The following SYCE1L variants were observed in gnomAD, a reference collection of about 807,000 sequenced individuals.
SYCE1L encodes synaptonemal complex central element protein 1 like, also known as synaptonemal complex central element protein 1-like.
Under a neutral mutation model 39.6 loss-of-function variants are expected in SYCE1L, and 51 were observed. That is an observed-to-expected ratio of 1.29 (90% CI 1.03 to 1.63). SYCE1L has a LOEUF of 1.63. SYCE1L is among the 40% of genes most tolerant of loss of function. The pLI is 0.00. For missense variants in SYCE1L, 426 were observed against 304.9 expected, an observed-to-expected ratio of 1.40 and a Z score of -2.96; for synonymous variants, 147 against 122.4, an observed-to-expected ratio of 1.20 and a Z score of -1.33.
chr16:77,211,264 C>G lies in SYCE1L; in HGVS notation c.411C>G (p.Leu137=). 1 of 1,551,948 alleles carries G rather than the reference C, an allele frequency of 6.4e-7. No homozygotes were observed. Among genetic ancestry groups the G allele is most frequent in the Non-Finnish European group, 8.7e-7 (1 of 1,147,044 alleles). Residue 137 remains leucine, a synonymous_variant, in exon 7 of 11, where the codon CTC becomes CTG. Coordinates refer to ENST00000378644, the MANE Select transcript of SYCE1L (RefSeq NM_001129979.3). ...ATCTGATGGGCCAGCACAAGGACCT[C>G]TGGGAATTCCACGTGAGCCATTATC... ...LEDLMGQHKD[L]WEFHMLEQRL...
At chr16:77,206,824 T>C (rs1053151970) in intron 2 of SYCE1L, among the ~76,000 whole-genome samples, 2 of 116,676 alleles carry the variant, frequency 1.7e-5, no homozygotes, top group African/African-American at 5.3e-5. Context: ...AATGCATTCA[T>C]GGATGTATAT....
chr16:77,204,776 G>A (rs1264706419), intron 1 of SYCE1L, among the ~76,000 whole-genome samples: 1 of 152,120 alleles, frequency 6.6e-6, no homozygotes, highest in African/African-American at 2.4e-5. Context: ...CGGCTGCGGT[G>A]GCTCACACCT....
chr16:77,199,732 A>G (rs2054710143), intron 1 of SYCE1L: 1 of 494,562 alleles, frequency 2.0e-6, no homozygotes, highest in Non-Finnish European at 3.6e-6. Context: ...TGTCAACTGT[A>G]GTGTATACGT....
chr16:77,212,952 C>T lies in SYCE1L; in HGVS notation c.*21C>T, dbSNP rs1338583105. On this transcript the variant is annotated 3_prime_UTR_variant, in exon 11 of 11. Coordinates refer to ENST00000378644, the MANE Select transcript of SYCE1L (RefSeq NM_001129979.3). ...TCTAGGCCAGCAGGACCCGCCCGTT[C>T]CCGACCTTCCCTCGAGACCCGCCAA... is the stretch of plus-strand genomic sequence containing the variant. The T allele has an allele frequency of 6.8e-7, 1 of 1,475,342 alleles. No homozygotes were observed. Among genetic ancestry groups the T allele is most frequent in the South Asian group, 1.3e-5 (1 of 77,152 alleles). 91.4% of individuals were successfully genotyped at this position (1,475,342 alleles called of 1,614,324 possible).
chr16:77,203,938 G>T (rs189075759), intron 1 of SYCE1L, among the ~76,000 whole-genome samples: 1 of 151,856 alleles, frequency 6.6e-6, no homozygotes. Context: ...ACAACATCTC[G>T]CCCACCATTA....
chr16:77,200,731 G>A (rs1240394230), intron 1 of SYCE1L: 35 of 136,966 alleles, frequency 2.6e-4, no homozygotes, highest in African/African-American at 7.5e-4. Flanking sequence ...ACTCCAGCGC[G>A]GAAGACAGAG....
Position 77,200,291 on chromosome 16 carries a change from T to TATATATGTATATATATACACAC in SYCE1L, c.61+780_61+781insTATATGTATATATATACACACA. The TATATATGTATATATATACACAC allele has an allele frequency of 2.7e-5, 3 of 111,430 alleles. 1 individual carries two copies. The highest frequency in any genetic ancestry group is 1.0e-4 in the African/African-American group (3 of 29,728). The allele number at this position is 111,430 out of a possible 1,614,324, so 6.9% of individuals were successfully genotyped here. ...ATATATGTGTATATATATATATATA[T>TATATATGTATATATATACACAC]ACACACACTAATCAGCCGGGCGCGG... On this transcript the variant is annotated intron_variant, in intron 1 of 10. Transcript: ENST00000378644.
At position 77,212,116 on chromosome 16, in the gene SYCE1L, CTT is replaced by C. The variant is rs2054826846; in HGVS notation, c.424-12_424-11del. ...GGACGGCCAAACGGGGAGGCCTCCT[CTT>C]TGTCCTCGCAGATGCTGGAGCAGCG... is the stretch of plus-strand genomic sequence containing the variant. On this transcript the variant is annotated splice_polypyrimidine_tract_variant and intron_variant, in intron 7 of 10. Coordinates refer to ENST00000378644, the MANE Select transcript of SYCE1L (RefSeq NM_001129979.3). 1.9e-6 allele frequency: 3 copies of C among 1,547,000 alleles called. No individual in the cohort carries two copies. The highest frequency in any genetic ancestry group is 1.2e-5 in the South Asian group (1 of 83,748).
chr16:77,208,725 G>A lies in SYCE1L; in HGVS notation c.256+186G>A, dbSNP rs77363173. Among the ~76,000 whole-genome samples the A allele has an allele frequency of 5.9e-3, 892 of 152,256 alleles. 5 individuals are homozygous for A. The highest frequency in any genetic ancestry group is 0.021 in the African/African-American group (855 of 41,552). ...TTCACCCTGATAGGCCTATCTTGATGGTCTCATCTAAGAATAGAATCCCGC... is the reference window on the plus strand; with the variant it reads ...TTCACCCTGATAGGCCTATCTTGATAGTCTCATCTAAGAATAGAATCCCGC... On this transcript the variant is annotated intron_variant, in intron 4 of 10. Coordinates refer to ENST00000378644, the MANE Select transcript of SYCE1L (RefSeq NM_001129979.3).
At position 77,211,215 on chromosome 16, in the gene SYCE1L, T is replaced by C. The variant is rs932271203; in HGVS notation, c.362T>C (p.Leu121Ser). The change falls in exon 7 of 11, where the codon TTG becomes TCG. Residue 121 changes from leucine to serine, a missense_variant and splice_region_variant. Transcript: ENST00000378644. ...TATTCCTGGGTGTCGGCCTCCAGGT[T>C]GGATGTCAGAGGACAGCTGGAGGAT... ...CQEKESEAQR[L>S]DVRGQLEDLM... 7 of 1,551,794 alleles carry C rather than the reference T, an allele frequency of 4.5e-6. No individual in the cohort carries two copies. Among genetic ancestry groups the C allele is most frequent in the Non-Finnish European group, 6.1e-6 (7 of 1,147,050 alleles).
At chr16:77,209,059 G>T (rs1331925951) in intron 4 of SYCE1L, 38 bp from the exon 5 acceptor site, 16 of 1,550,312 alleles carry the variant, frequency 1.0e-5, no homozygotes, top group Non-Finnish European at 1.4e-5. Flanking sequence ...GATGGCAATG[G>T]GGTGCCTGGA....
chr16:77,209,649 A>G (rs549737443), intron 6 of SYCE1L, among the ~76,000 whole-genome samples, 178 bp downstream of exon 6: 16 of 152,368 alleles, frequency 1.1e-4, no homozygotes, highest in South Asian at 2.1e-4. Flanking sequence ...TGTTAAGATT[A>G]ATTTACTCAT....
At chr16:77,203,782 T>C (rs2054764307) in intron 1 of SYCE1L, among the ~76,000 whole-genome samples, 1 of 151,626 alleles carries the variant, frequency 6.6e-6, no homozygotes, top group Non-Finnish European at 1.5e-5. Flanking sequence ...TTTAGTAGAG[T>C]TGGGGTTTTG....
intron 1 of SYCE1L, among the ~76,000 whole-genome samples, chr16:77,203,592 CTTTT>C (rs57339044): frequency 8.3e-6 from 1 of 120,610 alleles, no homozygotes; most frequent in African/African-American, 3.0e-5. Flanking sequence ...AAGTTACTTC[CTTTT>C]TTTTTTTTTT....
At chr16:77,212,552 C>CTCGCTCTCT in intron 9 of SYCE1L, 22 bp from the exon 10 acceptor site, 4 of 1,537,066 alleles carry the variant, frequency 2.6e-6, no homozygotes, top group Non-Finnish European at 3.5e-6. Flanking sequence ...TTCCTCCTGT[C>CTCGCTCTCT]TCCTCGGCCC....
chr16:77,203,592 C>CTTTTTTTTTTT (rs57339044), intron 1 of SYCE1L, among the ~76,000 whole-genome samples: 1 of 120,610 alleles, frequency 8.3e-6, no homozygotes. Flanking sequence ...AAGTTACTTC[C>CTTTTTTTTTTT]TTTTTTTTTT....
At chr16:77,203,628 C>G (rs1358029070) in intron 1 of SYCE1L, among the ~76,000 whole-genome samples, 1 of 59,474 alleles carries the variant, frequency 1.7e-5, no homozygotes, top group African/African-American at 4.8e-5. Context: ...GTTTTTTGCT[C>G]TTGTTGCCCA....
chr16:77,209,230 C>G (rs951885626), intron 5 of SYCE1L, 86 bp downstream of exon 5: 6 of 1,474,736 alleles, frequency 4.1e-6, no homozygotes, highest in Non-Finnish European at 5.6e-6. Flanking sequence ...AGGAATCCCA[C>G]TGAAACCTAA....
At chr16:77,211,153 G>T in intron 6 of SYCE1L, 60 bp from the exon 7 acceptor site, 1 of 1,534,554 alleles carries the variant, frequency 6.5e-7, no homozygotes, top group Non-Finnish European at 8.8e-7. Flanking sequence ...TGCATGAGGA[G>T]CCCCCAACAG....
Sources: allele counts gnomAD v4.1 joint callset (sites outside exome capture counted in the v4.1 genomes callset), GRCh38; gene constraint gnomAD v4.1.1; transcripts MANE v1.5; gene names NCBI Gene and HGNC (gene_info 2026-07-23, HGNC 2026-07-21).